The following C4orf51 variants were observed in gnomAD, a reference collection of about 807,000 sequenced individuals.
C4orf51 encodes uncharacterized protein C4orf51.
Under a neutral mutation model 25.2 loss-of-function variants are expected in C4orf51, and 25 were observed. That is an observed-to-expected ratio of 0.99 (90% CI 0.72 to 1.39). The LOEUF is 1.39. C4orf51 is among the 40% of genes most tolerant of loss of function. The pLI, the probability that C4orf51 is intolerant of heterozygous loss-of-function variation, is 0.00. For missense variants in C4orf51, 252 were observed against 239.6 expected (o/e 1.05, Z -0.34); for synonymous variants, 100 against 84.5 (o/e 1.18, Z -1.01).
intron 2 of C4orf51, among the ~76,000 whole-genome samples, chr4:145,712,985 A>G (rs1731216082): frequency 6.6e-6 from 1 of 152,232 alleles, no homozygotes; most frequent in Admixed American, 6.5e-5. Flanking sequence ...TATCAATGGG[A>G]CAACAAAGCC....
intron 1 of C4orf51, among the ~76,000 whole-genome samples, chr4:145,682,624 A>G (rs1008739834): frequency 2.0e-5 from 3 of 152,324 alleles, no homozygotes; most frequent in South Asian, 2.1e-4. Context: ...TTGAATATTC[A>G]TATTGTGTGA....
chr4:145,706,143 AT>A (rs111227154), intron 2 of C4orf51, among the ~76,000 whole-genome samples: 43 of 152,124 alleles, frequency 2.8e-4, no homozygotes, highest in African/African-American at 1.0e-3. Flanking sequence ...TTTGAAACAG[AT>A]TTTTTTTCTC....
chr4:145,744,280 GA>G (rs1248477259), intron 1 of C4orf51, among the ~76,000 whole-genome samples: 1 of 152,160 alleles, frequency 6.6e-6, no homozygotes, highest in Admixed American at 6.5e-5. Context: ...GGGCTCTGAA[GA>G]AAAGGGATAG....
intron 1 of C4orf51, among the ~76,000 whole-genome samples, chr4:145,687,110 T>G (rs1373648321): frequency 6.6e-6 from 1 of 152,192 alleles, no homozygotes; most frequent in East Asian, 1.9e-4. Flanking sequence ...AGGGCCACCC[T>G]GCCTCCCATT....
At chr4:145,712,218 G>T (rs571283915) in intron 2 of C4orf51, among the ~76,000 whole-genome samples, 1 of 152,068 alleles carries the variant, frequency 6.6e-6, no homozygotes, top group African/African-American at 2.4e-5. Context: ...GCCTCTAATG[G>T]TTTGAGTGAA....
At chr4:145,722,271 A>T (rs1031936855) in intron 2 of C4orf51, among the ~76,000 whole-genome samples, 3 of 152,188 alleles carry the variant, frequency 2.0e-5, no homozygotes, top group African/African-American at 7.2e-5. Context: ...CTTTATCTAA[A>T]TCTCTCTATA....
chr4:145,762,814 G>T lies in C4orf51; in HGVS notation n.167-8174G>T, dbSNP rs114539789. ...CTTATATGAGAACTGTAGTGTGTTT[G>T]CTCTCTTTCCACAAAGAATGCAGAT... is the stretch of plus-strand genomic sequence containing the variant. On this transcript the variant is annotated intron_variant and non_coding_transcript_variant, in intron 1 of 1. Transcript: ENST00000510096. The surrounding 1 kb of genome is among the most constrained non-coding windows in gnomAD (Gnocchi z 4.9). Among the ~76,000 whole-genome samples, 456 of 152,334 alleles carry T rather than the reference G, an allele frequency of 3.0e-3. 1 individual carries two copies. Among genetic ancestry groups the T allele is most frequent in the African/African-American group, 0.011 (444 of 41,568 alleles).
intron 2 of C4orf51, among the ~76,000 whole-genome samples, chr4:145,726,525 C>T (rs948467801): frequency 2.0e-5 from 3 of 152,230 alleles, no homozygotes; most frequent in East Asian, 3.9e-4. Context: ...CCTTAGCCTC[C>T]CTGGTAGCTG....
At chr4:145,772,504 A>G (rs1736436719), downstream of C4orf51, among the ~76,000 whole-genome samples, 1 of 152,176 alleles carries the variant, frequency 6.6e-6, no homozygotes, top group African/African-American at 2.4e-5. Flanking sequence ...CTTGGGCTCA[A>G]ATGAGCCTCC....
intron 2 of C4orf51, among the ~76,000 whole-genome samples, chr4:145,698,051 T>G (rs147569829): frequency 2.0e-4 from 30 of 152,358 alleles, no homozygotes; most frequent in African/African-American, 7.0e-4. Context: ...GGTTGTGGTT[T>G]TGATTTGCAT....
downstream of C4orf51, among the ~76,000 whole-genome samples, chr4:145,774,342 T>A (rs1343117718): frequency 6.6e-6 from 1 of 152,190 alleles, no homozygotes; most frequent in Admixed American, 6.5e-5. Context: ...AACAGTATTA[T>A]GACTACAGGG....
intron 1 of C4orf51, among the ~76,000 whole-genome samples, chr4:145,768,726 CATAT>C (rs1735704937): frequency 6.7e-6 from 1 of 148,954 alleles, no homozygotes; most frequent in Non-Finnish European, 1.5e-5. Flanking sequence ...GGTGTGGTGG[CATAT>C]GCCTGTAATC....
In C4orf51 at chr4:145,700,542, G is replaced by A. The variant is rs867612478; in HGVS notation, c.307+3910G>A. On this transcript the variant is annotated intron_variant, in intron 2 of 5. Coordinates refer to ENST00000438731, the MANE Select transcript of C4orf51 (RefSeq NM_001080531.3). ...AACTCAACAGTAGTTCCAAATAGCC[G>A]GAAAATGGCACTTTCAATTTTTCCA... Among the ~76,000 whole-genome samples the A allele has an allele frequency of 6.6e-5, 10 of 152,134 alleles. No individual in the cohort carries two copies. In the East Asian group the frequency reaches 9.7e-4, roughly 15 times the overall value.
intron 1 of C4orf51, among the ~76,000 whole-genome samples, chr4:145,752,957 G>T (rs2126813184): frequency 1.3e-5 from 2 of 149,316 alleles, no homozygotes; most frequent in East Asian, 1.9e-4. Context: ...CACAATCGCT[G>T]TGCTCTCACT....
At position 145,765,479 on chromosome 4, in the gene C4orf51, C is replaced by G. The variant is rs1382871618; in HGVS notation, n.167-5509C>G. 37 of 1,529,870 alleles carry G rather than the reference C, an allele frequency of 2.4e-5. No individual in the cohort carries two copies. Among genetic ancestry groups the G allele is most frequent in the South Asian group, 3.9e-5 (3 of 77,144 alleles). 94.8% of individuals were successfully genotyped at this position (1,529,870 alleles called of 1,614,324 possible). ...TTTTTGACATCGCTCCTGTGCAGGGCTTATTCTCAAGAATGGGTCATCCTG... is the reference window on the plus strand; with the variant it reads ...TTTTTGACATCGCTCCTGTGCAGGGGTTATTCTCAAGAATGGGTCATCCTG... On this transcript the variant is annotated intron_variant and non_coding_transcript_variant, in intron 1 of 1. Coordinates refer to the C4orf51 transcript ENST00000510096. This position sits in a 1 kb window ranked among gnomAD's most constrained non-coding sequence, Gnocchi z 4.7.
chr4:145,709,185 A>C (rs1470728473), intron 2 of C4orf51, among the ~76,000 whole-genome samples: 1 of 152,220 alleles, frequency 6.6e-6, no homozygotes, highest in Middle Eastern at 3.2e-3. Context: ...ATGGCAAAGG[A>C]AGAACTTTGC....
At chr4:145,701,206 C>A (rs1463049707) in intron 2 of C4orf51, among the ~76,000 whole-genome samples, 1 of 151,112 alleles carries the variant, frequency 6.6e-6, no homozygotes, top group Non-Finnish European at 1.5e-5. Flanking sequence ...CGCAACAGGA[C>A]TTAACCTCAC....
chr4:145,680,770 T>C (rs541361535), intron 1 of C4orf51, among the ~76,000 whole-genome samples: 9 of 152,352 alleles, frequency 5.9e-5, no homozygotes, highest in South Asian at 2.1e-4. Context: ...TTTGGTTTTC[T>C]GGCTTTCAGG....
intron 2 of C4orf51, among the ~76,000 whole-genome samples, chr4:145,712,397 C>T (rs1330179673): frequency 1.3e-5 from 2 of 152,190 alleles, no homozygotes; most frequent in East Asian, 3.8e-4. Context: ...AAAGGTGCTA[C>T]TCCAGTGAAC....
Sources: allele counts gnomAD v4.1 joint callset (sites outside exome capture counted in the v4.1 genomes callset), GRCh38; gene constraint gnomAD v4.1.1; non-coding constraint Gnocchi (gnomAD v3.1); transcripts MANE v1.5; gene names NCBI Gene and HGNC (gene_info 2026-07-23, HGNC 2026-07-21).